BEST1: variants seen among roughly 807,000 people sequenced by gnomAD.
The protein encoded by BEST1 is bestrophin-1.
BEST1 carries 58 observed loss-of-function variants against 63.3 expected under a neutral mutation model. The observed-to-expected ratio is 0.92, with a 90% CI of 0.74 to 1.14. The LOEUF is 1.14. Among genes scored for constraint, BEST1 ranks in the 50% most tolerant of loss-of-function variants. The pLI is 0.00. For synonymous variants in BEST1, 283 were observed against 291.6 expected, an observed-to-expected ratio of 0.97 and a Z score of 0.30; for missense variants, 671 against 740.1, an observed-to-expected ratio of 0.91 and a Z score of 1.08.
Position 61,962,733 on chromosome 11 carries a change from C to G in BEST1, c.1579C>G (p.Pro527Ala), listed in dbSNP as rs1273608224. The change falls in exon 10 of 11, where the codon CCA (proline) becomes GCA (alanine). Residue 527 changes from proline (P) to alanine (A), a missense_variant. Coordinates refer to ENST00000378043, the MANE Select transcript of BEST1 (RefSeq NM_004183.4). ...GAGCGATGGGGCCTTGATGGAGCAC[C>G]CAGAAGTATCTCAAGTGAGGAGGAA... Reference protein sequence around the residue: ...SESDGALMEHPEVSQVRRKTV... With the variant: ...SESDGALMEHAEVSQVRRKTV... The G allele has an allele frequency of 2.5e-6, 4 of 1,614,146 alleles. No homozygotes were observed. The highest frequency in any genetic ancestry group is 1.6e-4 in the Middle Eastern group (1 of 6,062).
At chr11:61,962,959 T>C (rs1176210758) in intron 10 of BEST1, 66 bp downstream of exon 10, 2 of 1,613,368 alleles carry the variant, frequency 1.2e-6, no homozygotes, top group Non-Finnish European at 1.7e-6. Flanking sequence ...TCCCTTGCTC[T>C]GAGCCTACCC....
chr11:61,959,744 G>A (rs1367403499), intron 8 of BEST1, 148 bp from the exon 9 acceptor site: 2 of 1,345,766 alleles, frequency 1.5e-6, no homozygotes, highest in Middle Eastern at 3.6e-4. Context: ...CAATCTTTGA[G>A]GCTGCAGGCA....
intron 10 of BEST1, chr11:61,963,859 G>C: frequency 1.7e-6 from 2 of 1,201,418 alleles, no homozygotes; most frequent in Non-Finnish European, 2.2e-6. Context: ...ATACAAATCA[G>C]CTGGGCGTCG....
chr11:61,963,934 G>A, intron 10 of BEST1, 170 bp from the exon 11 acceptor site: 1 of 1,438,418 alleles, frequency 7.0e-7, no homozygotes, highest in Non-Finnish European at 9.2e-7. Flanking sequence ...GGAGGTGGTG[G>A]TTGCAGTGAG....
chr11:61,958,396 T>C, intron 7 of BEST1, 98 bp downstream of exon 7: 1 of 1,593,400 alleles, frequency 6.3e-7, no homozygotes, highest in Non-Finnish European at 8.5e-7. Context: ...GAAAGGAAGG[T>C]CTCACGGGTA....
chr11:61,955,873 G>T lies in BEST1; in HGVS notation c.403G>T (p.Gly135Cys). ...RRTLIRYANL[G>C]NVLILRSVST... is the part of the protein sequence containing the mutation. The stretch of plus-strand genomic sequence containing the variant: ...CACGCTCATCCGCTACGCCAACCTG[G>T]GCAACGTGCTCATCCTGCGCAGCGT... The change falls in exon 4 of 11, where the codon GGC becomes TGC. Residue 135 changes from glycine (G) to cysteine (C), a missense_variant. Gly to Cys is a radical substitution (Grantham distance 159, BLOSUM62 -3). Transcript: ENST00000378043. 6.4e-7 allele frequency: 1 copy of T among 1,550,640 alleles called. No individual in the cohort carries two copies. Among genetic ancestry groups the T allele is most frequent in the Non-Finnish European group, 8.7e-7 (1 of 1,146,930 alleles).
intron 4 of BEST1, 21 bp downstream of exon 4, chr11:61,955,972 G>C (rs1000705146): frequency 4.5e-6 from 7 of 1,541,658 alleles, no homozygotes; most frequent in South Asian, 1.2e-5. Context: ...CGGGAGCAAC[G>C]GGGAGGCACC....
At position 61,950,864 on chromosome 11, in the gene BEST1, T is replaced by C. The variant is rs1233632176; in HGVS notation, c.-37+437T>C. Among the ~76,000 whole-genome samples, 10 of 152,176 alleles carry C rather than the reference T, an allele frequency of 6.6e-5. No individual in the cohort carries two copies. The South Asian group carries it at 1.9e-3, about 28-fold the overall frequency. ...GGGCTCTATTTCCAGGTTGGATGGT[T>C]GGGAACATCCTTTCTAAAGGGAACC... On this transcript the variant is annotated intron_variant, in intron 1 of 10. Coordinates refer to ENST00000378043, the MANE Select transcript of BEST1 (RefSeq NM_004183.4).
At chr11:61,950,649 T>C (rs1940553951) in intron 1 of BEST1, among the ~76,000 whole-genome samples, 1 of 152,124 alleles carries the variant, frequency 6.6e-6, no homozygotes, top group Non-Finnish European at 1.5e-5. Flanking sequence ...AGGGAAAGAA[T>C]GGAGGGGGCA....
chr11:61,951,491 G>A (rs11230840), intron 1 of BEST1, among the ~76,000 whole-genome samples: 3 of 152,214 alleles, frequency 2.0e-5, no homozygotes, highest in African/African-American at 7.2e-5. Context: ...TTATAGGCAT[G>A]AGCCACTGCG....
chr11:61,959,833 A>T (rs1451989543), intron 8 of BEST1, 59 bp from the exon 9 acceptor site: 2 of 1,600,774 alleles, frequency 1.2e-6, no homozygotes, highest in East Asian at 4.5e-5. Flanking sequence ...CATCAGGCAC[A>T]TACAAGGTCC....
chr11:61,953,478 C>T (rs950738020), intron 2 of BEST1, among the ~76,000 whole-genome samples: 3 of 152,048 alleles, frequency 2.0e-5, no homozygotes, highest in Admixed American at 6.6e-5. Context: ...TTTGGGAGGC[C>T]GAGGCGGGTG....
At chr11:61,958,661 G>A in intron 7 of BEST1, 1 of 523,250 alleles carries the variant, frequency 1.9e-6, no homozygotes, top group Non-Finnish European at 3.4e-6. Flanking sequence ...TGCCTGTTGG[G>A]CTGTCTTGTT....
chr11:61,958,067 A>T (rs1227000405), intron 6 of BEST1, 79 bp from the exon 7 acceptor site: 27 of 1,607,906 alleles, frequency 1.7e-5, no homozygotes, highest in African/African-American at 2.7e-5. Flanking sequence ...CTCCTGTCTC[A>T]GACTCCCAGC....
chr11:61,960,179 C>T (rs1565038448), intron 9 of BEST1, 136 bp downstream of exon 9: 15 of 1,200,634 alleles, frequency 1.2e-5, no homozygotes, highest in African/African-American at 3.1e-5. Flanking sequence ...TCTTTATAAA[C>T]ATTAACTATT....
chr11:61,955,902 C>T lies in BEST1; in HGVS notation c.432C>T (p.Ser144=). 6.4e-7 allele frequency: 1 copy of T among 1,550,442 alleles called. No homozygotes were observed. Among genetic ancestry groups the T allele is most frequent in the Non-Finnish European group, 8.7e-7 (1 of 1,146,916 alleles). The part of the protein sequence containing the change: ...LGNVLILRSV[S]TAVYKRFPSA... Reference sequence around the variant, plus strand: ...ACGTGCTCATCCTGCGCAGCGTCAGCACCGCAGTCTACAAGCGCTTCCCCA... The same window carrying T: ...ACGTGCTCATCCTGCGCAGCGTCAGTACCGCAGTCTACAAGCGCTTCCCCA... Residue 144 remains serine, a synonymous_variant, in exon 4 of 11, where the codon AGC becomes AGT. Transcript: ENST00000378043.
chr11:61,956,836 C>G lies in BEST1; in HGVS notation c.482-8C>G. On this transcript the variant is annotated splice_polypyrimidine_tract_variant and splice_region_variant and intron_variant, in intron 4 of 10. Coordinates refer to ENST00000378043, the MANE Select transcript of BEST1 (RefSeq NM_004183.4). ...CCCACCCACCGCCTTCTTCACTCCA[C>G]TCTGCAGGCTTTATGACTCCGGCAG... 1 of 1,614,084 alleles carries G rather than the reference C, an allele frequency of 6.2e-7. No individual in the cohort carries two copies. Among genetic ancestry groups the G allele is most frequent in the Non-Finnish European group, 8.5e-7 (1 of 1,180,012 alleles).
At chr11:61,963,337 A>C in intron 10 of BEST1, 4 of 1,302,256 alleles carry the variant, frequency 3.1e-6, no homozygotes, top group Non-Finnish European at 3.9e-6. Context: ...GTACCCAAGC[A>C]CTACAGGAAA....
intron 4 of BEST1, among the ~76,000 whole-genome samples, chr11:61,956,607 A>G (rs554195118): frequency 6.6e-6 from 1 of 152,280 alleles, no homozygotes; most frequent in African/African-American, 2.4e-5. Flanking sequence ...CAGTGCGCTA[A>G]GATCGCACCG....
Sources: allele counts gnomAD v4.1 joint callset (sites outside exome capture counted in the v4.1 genomes callset), GRCh38; gene constraint gnomAD v4.1.1; transcripts MANE v1.5; gene names NCBI Gene and HGNC (gene_info 2026-07-23, HGNC 2026-07-21).